Variants in BANF2 observed in about 807,000 individuals in gnomAD.
BANF2 encodes barrier-to-autointegration factor-like protein.
In BANF2, 4 loss-of-function variants were observed where a neutral mutation model predicts 8.0. The ratio of observed to expected loss-of-function variants is 0.50; its 90% CI spans 0.25 to 1.14. The LOEUF (loss-of-function observed/expected upper bound fraction) is 1.14. Among genes scored for constraint, BANF2 ranks in the 50% most tolerant of loss-of-function variants. The pLI is 0.16. For synonymous variants in BANF2, 50 were observed against 40.6 expected (o/e 1.23, Z -0.88); for missense variants, 96 against 107.5 (o/e 0.89, Z 0.47).
chr20:17,725,093 G>T lies in BANF2; in HGVS notation c.68G>T (p.Trp23Leu). The change falls in exon 3 of 4, where the codon TGG (tryptophan) becomes TTG (leucine). Residue 23 changes from tryptophan to leucine, a missense_variant. By Grantham distance (61) the Trp-to-Leu change is moderately conservative. Coordinates refer to ENST00000246090, the MANE Select transcript of BANF2 (RefSeq NM_178477.5). ...SEPIGEKDVC[W>L]VDGISHELAI... ...CCCATTGGAGAAAAGGATGTCTGCTGGGTGGATGGCATCAGCCATGAGCTC... is the reference window on the plus strand; with the variant it reads ...CCCATTGGAGAAAAGGATGTCTGCTTGGTGGATGGCATCAGCCATGAGCTC... 6.2e-7 allele frequency: 1 copy of T among 1,611,906 alleles called. No individual in the cohort carries two copies.
chr20:17,734,704 CA>C (rs1459563306), intron 3 of BANF2, among the ~76,000 whole-genome samples: 1 of 152,298 alleles, frequency 6.6e-6, no homozygotes, highest in South Asian at 2.1e-4. Flanking sequence ...GCGTAGAGAT[CA>C]GGGGTGCTGC....
At chr20:17,701,480 G>A (rs577367543) in intron 1 of BANF2, among the ~76,000 whole-genome samples, 2 of 152,316 alleles carry the variant, frequency 1.3e-5, no homozygotes, top group African/African-American at 4.8e-5. Context: ...CAACATTAGA[G>A]CTCTCTGAAA....
intron 1 of BANF2, among the ~76,000 whole-genome samples, chr20:17,700,351 T>TAGAC (rs3077218): frequency 0.18 from 27,957 of 151,966 alleles, 3,027 homozygotes; most frequent in African/African-American, 0.3. Flanking sequence ...GTGTTCTTAA[T>TAGAC]AGAGCAGAGA....
At chr20:17,733,530 A>G (rs2037931798) in intron 3 of BANF2, among the ~76,000 whole-genome samples, 1 of 152,262 alleles carries the variant, frequency 6.6e-6, no homozygotes, top group East Asian at 1.9e-4. Context: ...ACACAGCTCT[A>G]TGTCTCTCGT....
intron 1 of BANF2, among the ~76,000 whole-genome samples, chr20:17,704,543 CGG>C (rs1600212952): frequency 6.6e-6 from 1 of 152,330 alleles, no homozygotes; most frequent in East Asian, 1.9e-4. Flanking sequence ...TCTACATGAT[CGG>C]TCCCTTCTTC....
chr20:17,726,503 A>T (rs980247714), intron 3 of BANF2, among the ~76,000 whole-genome samples: 7 of 152,184 alleles, frequency 4.6e-5, no homozygotes, highest in African/African-American at 1.4e-4. Context: ...TTCCTTTTTT[A>T]AAAAAAGAAA....
intron 1 of BANF2, among the ~76,000 whole-genome samples, chr20:17,707,368 G>T (rs1473241484): frequency 0.015 from 2,149 of 145,628 alleles, 59 homozygotes; most frequent in African/African-American, 0.055. Flanking sequence ...GGGGGACAGA[G>T]CGAGACTCTG....
At chr20:17,710,624 T>C (rs1204602635) in intron 1 of BANF2, among the ~76,000 whole-genome samples, 2 of 152,174 alleles carry the variant, frequency 1.3e-5, no homozygotes, top group East Asian at 3.9e-4. Flanking sequence ...CTTCTTTCCA[T>C]GTGAGCAGGG....
chr20:17,718,184 T>C (rs1382143428), intron 1 of BANF2, among the ~76,000 whole-genome samples: 1 of 152,004 alleles, frequency 6.6e-6, no homozygotes, highest in African/African-American at 2.4e-5. Flanking sequence ...ACTTTTTGTG[T>C]TGTAGAGGTG....
chr20:17,698,279 G>A (rs1293381165), upstream of BANF2, among the ~76,000 whole-genome samples: 1 of 152,104 alleles, frequency 6.6e-6, no homozygotes, highest in Non-Finnish European at 1.5e-5. Context: ...CTCTTGCCAT[G>A]TGATACACTG....
At chr20:17,703,605 G>C (rs552704565) in intron 1 of BANF2, among the ~76,000 whole-genome samples, 11 of 152,310 alleles carry the variant, frequency 7.2e-5, no homozygotes, top group Non-Finnish European at 1.2e-4. Flanking sequence ...TCACTCAGCT[G>C]GGGGCTAGGC....
intron 3 of BANF2, among the ~76,000 whole-genome samples, chr20:17,729,514 A>C (rs2037862873): frequency 6.6e-6 from 1 of 152,210 alleles, no homozygotes; most frequent in Non-Finnish European, 1.5e-5. Context: ...GGTCAGGCAG[A>C]TCACTTGAGG....
chr20:17,728,336 C>T (rs1033376027), intron 3 of BANF2, among the ~76,000 whole-genome samples: 1 of 152,232 alleles, frequency 6.6e-6, no homozygotes, highest in South Asian at 2.1e-4. Context: ...CACCCTCACA[C>T]TTACCTCCCT....
chr20:17,702,008 C>T (rs2037416319), intron 1 of BANF2, among the ~76,000 whole-genome samples: 1 of 152,190 alleles, frequency 6.6e-6, no homozygotes, highest in African/African-American at 2.4e-5. Context: ...TACTCCTCCC[C>T]AGCTCCATGA....
intron 3 of BANF2, among the ~76,000 whole-genome samples, chr20:17,729,439 A>G (rs1039530934): frequency 2.6e-5 from 4 of 152,126 alleles, no homozygotes; most frequent in Admixed American, 2.6e-4. Flanking sequence ...GCGACATCTG[A>G]CAAAAGTTCG....
upstream of BANF2, among the ~76,000 whole-genome samples, chr20:17,695,009 A>G (rs2037334278): frequency 6.6e-6 from 1 of 152,128 alleles, no homozygotes; most frequent in Non-Finnish European, 1.5e-5. Context: ...TCAGGAAGTA[A>G]CTTCCTTTAG....
chr20:17,711,556 C>T (rs1314798836), intron 1 of BANF2, among the ~76,000 whole-genome samples: 1 of 152,132 alleles, frequency 6.6e-6, no homozygotes, highest in Non-Finnish European at 1.5e-5. Flanking sequence ...GAGGTGTGCA[C>T]CAGGGGCACT....
chr20:17,728,161 C>T (rs543879106), intron 3 of BANF2, among the ~76,000 whole-genome samples: 4 of 152,276 alleles, frequency 2.6e-5, no homozygotes, highest in South Asian at 2.1e-4. Context: ...TGCTCCCCGT[C>T]CCACCCCAGG....
chr20:17,699,662 A>G (rs992137254), upstream of BANF2, among the ~76,000 whole-genome samples: 12 of 152,198 alleles, frequency 7.9e-5, no homozygotes, highest in Admixed American at 5.2e-4. Context: ...AACTGAATTG[A>G]CGCAGGCCAG....
Sources: allele counts gnomAD v4.1 joint callset (sites outside exome capture counted in the v4.1 genomes callset), GRCh38; gene constraint gnomAD v4.1.1; transcripts MANE v1.5; gene names NCBI Gene and HGNC (gene_info 2026-07-23, HGNC 2026-07-21).